The following VWA8 variants were observed in gnomAD, a reference collection of about 807,000 sequenced individuals.
VWA8 encodes the protein von Willebrand factor A domain-containing protein 8.
Under a neutral mutation model 241.5 loss-of-function variants are expected in VWA8, and 221 were observed. That is an observed-to-expected ratio of 0.91 (90% CI 0.82 to 1.02). VWA8 has a LOEUF of 1.02. Ranked by LOEUF, VWA8 falls within the 50% of genes least tolerant of loss-of-function variation. The probability of loss-of-function intolerance (pLI) is 0.00; values close to 1 mark genes in which losing one functional copy is unlikely to be tolerated. For synonymous variants in VWA8, 852 were observed against 827.1 expected (o/e 1.03, Z -0.52); for missense variants, 2,322 against 2,328.7 (o/e 1.00, Z 0.06).
chr13:41,910,027 G>T (rs1875918227), intron 3 of VWA8, among the ~76,000 whole-genome samples: 1 of 152,178 alleles, frequency 6.6e-6, no homozygotes, highest in Non-Finnish European at 1.5e-5. Flanking sequence ...GCTTAAGCTA[G>T]TATTAAGTTT....
In VWA8 at chr13:41,581,032, C is replaced by A. The variant is rs190939909; in HGVS notation, c.5272-5194G>T. ...TTTATTTTTTTTTGAGACGGAGTCT[C>A]GCTGTCGTCCAGGCTGGAGTGCAGT... On this transcript the variant is annotated intron_variant, in intron 42 of 44. Coordinates refer to ENST00000379310, the MANE Select transcript of VWA8 (RefSeq NM_015058.2). Among the ~76,000 whole-genome samples, 493 of 76,600 alleles carry A rather than the reference C, an allele frequency of 6.4e-3. 62 individuals are homozygous for A. The highest frequency in any genetic ancestry group is 7.4e-3 in the Admixed American group (53 of 7,116). The allele number at this position is 76,600 out of a possible 152,430, so 50.3% of individuals were successfully genotyped here.
intron 2 of VWA8, among the ~76,000 whole-genome samples, chr13:41,928,961 T>C (rs184620086): frequency 5.9e-5 from 9 of 152,216 alleles, no homozygotes; most frequent in African/African-American, 2.2e-4. Context: ...TCCATTAATA[T>C]TGTGAAGATG....
intron 17 of VWA8, chr13:41,807,645 T>C (rs1870274085): frequency 6.6e-6 from 1 of 152,184 alleles, no homozygotes; most frequent in Admixed American, 6.5e-5. Flanking sequence ...CAACATCCCT[T>C]CATGATGAAA....
intron 40 of VWA8, among the ~76,000 whole-genome samples, chr13:41,602,488 T>C (rs965749983): frequency 6.6e-5 from 10 of 152,104 alleles, no homozygotes; most frequent in African/African-American, 1.2e-4. Flanking sequence ...CACAGGATTA[T>C]GAGAATTGAC....
intron 4 of VWA8, among the ~76,000 whole-genome samples, chr13:41,899,976 T>C (rs962612603): frequency 1.3e-5 from 2 of 152,224 alleles, no homozygotes; most frequent in African/African-American, 4.8e-5. Context: ...AGTGGATTCT[T>C]AGCTCTACGA....
In VWA8 at chr13:41,729,613, A is replaced by G. The variant is rs1359736821; in HGVS notation, c.2567T>C (p.Val856Ala). 6.2e-7 allele frequency: 1 copy of G among 1,613,428 alleles called. No individual in the cohort carries two copies. Among genetic ancestry groups the G allele is most frequent in the South Asian group, 1.1e-5 (1 of 90,992 alleles). The change falls in exon 23 of 45, where the codon GTC becomes GCC. Residue 856 changes from valine to alanine, a missense_variant. Transcript: ENST00000379310. The stretch of plus-strand genomic sequence containing the variant: ...TACTAGAGTTTTTAAAATACACGTG[A>G]CATTTGTTGGAGCTTTGTCAGCCTC... ...VDEADKAPTN[V>A]TCILKTLVEN...
At chr13:41,679,788 T>G (rs537230790) in intron 35 of VWA8, among the ~76,000 whole-genome samples, 8 of 151,062 alleles carry the variant, frequency 5.3e-5, no homozygotes, top group African/African-American at 9.7e-5. Context: ...GAGATCTACA[T>G]GCACATAGAA....
chr13:41,834,232 TTATC>T (rs1439359099), intron 12 of VWA8, among the ~76,000 whole-genome samples: 1 of 152,224 alleles, frequency 6.6e-6, no homozygotes, highest in Non-Finnish European at 1.5e-5. Context: ...ATATAAAAGT[TTATC>T]TACTGTAAAA....
intron 2 of VWA8, among the ~76,000 whole-genome samples, chr13:41,930,806 AT>A (rs550270687): frequency 1.3e-3 from 205 of 152,298 alleles, no homozygotes; most frequent in Non-Finnish European, 2.1e-3. Flanking sequence ...GAAATGCAAA[AT>A]AACTCTGGTC....
intron 42 of VWA8, among the ~76,000 whole-genome samples, chr13:41,584,615 T>A (rs2044404908): frequency 6.6e-6 from 1 of 152,208 alleles, no homozygotes; most frequent in East Asian, 1.9e-4. Context: ...GTAACTGTAG[T>A]GAATATGATG....
intron 19 of VWA8, among the ~76,000 whole-genome samples, chr13:41,782,292 TC>T (rs1263781265): frequency 1.3e-5 from 2 of 152,216 alleles, no homozygotes; most frequent in Admixed American, 1.3e-4. Context: ...CATTCTTATA[TC>T]CTGTGAAGTC....
chr13:41,606,457 A>G (rs1450906946), intron 39 of VWA8, among the ~76,000 whole-genome samples: 1 of 152,128 alleles, frequency 6.6e-6, no homozygotes, highest in African/African-American at 2.4e-5. Flanking sequence ...AAATTACTAT[A>G]AATATAAAAG....
rs1156882566 is a variant in VWA8, at chr13:41,642,562, C to CAA, written c.4612-27480_4612-27479dup. Reference sequence around the variant, plus strand: ...TGACAGTGCGGGATTCCGTCTCAAACAAAAAAAAAAAAAAAAGAAAAAAAG... The same window carrying CAA: ...TGACAGTGCGGGATTCCGTCTCAAACAAAAAAAAAAAAAAAAAAGAAAAAAAG... On this transcript the variant is annotated intron_variant, in intron 37 of 44. Transcript: ENST00000379310. 3.7e-3 allele frequency among the ~76,000 whole-genome samples: 229 copies of CAA among 61,594 alleles called. 1 individual carries two copies. The highest frequency in any genetic ancestry group is 0.013 in the African/African-American group (211 of 16,106). The allele number at this position is 61,594 out of a possible 152,430, so 40.4% of individuals were successfully genotyped here.
At chr13:41,900,251 A>G (rs1438839132) in intron 4 of VWA8, among the ~76,000 whole-genome samples, 3 of 152,228 alleles carry the variant, frequency 2.0e-5, no homozygotes, top group Non-Finnish European at 4.4e-5. Context: ...TAATTGTAGT[A>G]TAATTTTTTT....
chr13:41,709,859 A>T (rs1042353550), intron 26 of VWA8, among the ~76,000 whole-genome samples: 2 of 150,586 alleles, frequency 1.3e-5, no homozygotes, highest in Non-Finnish European at 2.9e-5. Context: ...ATTGTGCTCC[A>T]CAGCCTTGAA....
chr13:41,784,976 C>A (rs956131350), intron 18 of VWA8, among the ~76,000 whole-genome samples: 3 of 150,824 alleles, frequency 2.0e-5, no homozygotes, highest in African/African-American at 7.3e-5. Context: ...TTATTAGTTC[C>A]TGGAAGCCAG....
intron 37 of VWA8, among the ~76,000 whole-genome samples, chr13:41,634,720 A>AGGT: frequency 6.6e-6 from 1 of 152,002 alleles, no homozygotes. Flanking sequence ...AAAAAAAAAC[A>AGGT]GACTAAATTA....
chr13:41,571,804 C>T (rs1002918078), intron 43 of VWA8, among the ~76,000 whole-genome samples: 4 of 151,918 alleles, frequency 2.6e-5, no homozygotes, highest in Admixed American at 1.3e-4. Flanking sequence ...TCTGCCTGGC[C>T]GCCCATCGTC....
chr13:41,816,424 T>C lies in VWA8; in HGVS notation c.1947+274A>G, dbSNP rs555979985. Among the ~76,000 whole-genome samples the C allele has an allele frequency of 9.2e-5, 14 of 152,228 alleles. No individual in the cohort carries two copies. In the East Asian group the frequency reaches 1.9e-3, roughly 21 times the overall value. On this transcript the variant is annotated intron_variant, in intron 16 of 44. Transcript: ENST00000379310. ...TAAGAATAGATAACACTGCTCAGCA[T>C]AGGAGACAGAGGGGACAGAGCAGAA...
Sources: allele counts gnomAD v4.1 joint callset (sites outside exome capture counted in the v4.1 genomes callset), GRCh38; gene constraint gnomAD v4.1.1; transcripts MANE v1.5; gene names NCBI Gene and HGNC (gene_info 2026-07-23, HGNC 2026-07-21).